The following COL23A1 variants were observed in gnomAD, a reference collection of about 807,000 sequenced individuals.
COL23A1 encodes collagen type XXIII alpha 1 chain.
In COL23A1, 97 loss-of-function variants were observed where a neutral mutation model predicts 99.3. The observed-to-expected ratio is 0.98, with a 90% CI of 0.83 to 1.16. The LOEUF (loss-of-function observed/expected upper bound fraction) is 1.16, where lower values mean the gene tolerates loss of function less well. Ranked by LOEUF, COL23A1 falls within the 50% of genes most tolerant of loss-of-function variation. The pLI, the probability that COL23A1 is intolerant of heterozygous loss-of-function variation, is 0.00. For missense variants in COL23A1, 762 were observed against 757.4 expected (o/e 1.01, Z -0.07); for synonymous variants, 320 against 308.2 (o/e 1.04, Z -0.40).
At chr5:178,568,441 C>A (rs78379260) in intron 1 of COL23A1, among the ~76,000 whole-genome samples, 4,468 of 151,864 alleles carry the variant, frequency 0.029, 86 homozygotes, top group Middle Eastern at 0.13. Context: ...ATTTTTTTAA[C>A]TGAGGTGAAA....
intron 2 of COL23A1, among the ~76,000 whole-genome samples, chr5:178,418,080 T>C (rs984165731): frequency 6.6e-6 from 1 of 152,254 alleles, no homozygotes; most frequent in Admixed American, 6.5e-5. Context: ...TTGGCACTCA[T>C]GTGCCCTGAT....
intron 2 of COL23A1, among the ~76,000 whole-genome samples, chr5:178,487,891 A>C (rs1757721033): frequency 6.6e-6 from 1 of 152,186 alleles, no homozygotes; most frequent in Non-Finnish European, 1.5e-5. Flanking sequence ...GCTTTCTCTA[A>C]TTTGGTGTCC....
chr5:178,526,312 GGCCAAGCAAA>G (rs1480207200), intron 2 of COL23A1, among the ~76,000 whole-genome samples: 1 of 152,166 alleles, frequency 6.6e-6, no homozygotes, highest in East Asian at 1.9e-4. Context: ...TGACCTGGGG[GGCCAAGCAAA>G]GCCCCACACC....
chr5:178,245,962 G>A lies in COL23A1; in HGVS notation c.1420C>T (p.Pro474Ser), dbSNP rs200807238. ...CTTACATCTAGTCCTGGCTCCCCGG[G>A]TCTGCCCTGAGGAGAGACACAGAGT... ...LPGTKGEKGRPGEPGLDGFPG... is the reference protein window; with the variant it reads ...LPGTKGEKGRSGEPGLDGFPG... Residue 474 changes from proline (P) to serine (S), a missense_variant, in exon 25 of 29, where the codon CCC (proline) becomes TCC (serine). Physicochemically the swap from Pro to Ser is moderately conservative, Grantham distance 74. Transcript: ENST00000390654. 2.5e-6 allele frequency: 4 copies of A among 1,614,170 alleles called. No individual in the cohort carries two copies. The highest frequency in any genetic ancestry group is 1.3e-5 in the African/African-American group (1 of 75,066).
rs556738030 is a variant in COL23A1 at position 178,365,934 on chromosome 5, C to A, written c.362-59015G>T. On this transcript the variant is annotated intron_variant, in intron 2 of 28. Coordinates refer to ENST00000390654, the MANE Select transcript of COL23A1 (RefSeq NM_173465.4). This position sits in a 1 kb window ranked among gnomAD's most constrained non-coding sequence, Gnocchi z 5.2. ...CAGGAAGGGGGGATGGTCAAGCGCA[C>A]CACAGGCTTGGAAGCAGACACGCCC... is the stretch of plus-strand genomic sequence containing the variant. Among the ~76,000 whole-genome samples, 76 of 152,166 alleles carry A rather than the reference C, an allele frequency of 5.0e-4. No homozygotes were observed. Among genetic ancestry groups the A allele is most frequent in the Non-Finnish European group, 6.9e-4 (47 of 67,968 alleles).
intron 2 of COL23A1, among the ~76,000 whole-genome samples, chr5:178,492,630 C>T (rs149946282): frequency 6.6e-6 from 1 of 151,568 alleles, no homozygotes; most frequent in Non-Finnish European, 1.5e-5. Flanking sequence ...AAATGCACCT[C>T]GAGGATGTTA....
chr5:178,310,853 T>C lies in COL23A1; in HGVS notation c.362-3934A>G, dbSNP rs1376662816. Among the ~76,000 whole-genome samples the C allele has an allele frequency of 6.6e-6, 1 of 151,966 alleles. No individual in the cohort carries two copies. Among genetic ancestry groups the C allele is most frequent in the African/African-American group, 2.4e-5 (1 of 41,336 alleles). ...GTTTTTGCTTGTTTCTTGTTTTTCT[T>C]CTTTCTACAAGCAGAAGAACCTTTC... On this transcript the variant is annotated intron_variant, in intron 2 of 28. Coordinates refer to ENST00000390654, the MANE Select transcript of COL23A1 (RefSeq NM_173465.4). This position sits in a 1 kb window ranked among gnomAD's most constrained non-coding sequence, Gnocchi z 4.3.
Position 178,280,531 on chromosome 5 carries a change from T to C in COL23A1, c.441+7793A>G, listed in dbSNP as rs1756841061. Among the ~76,000 whole-genome samples, 1 of 152,118 alleles carries C rather than the reference T, an allele frequency of 6.6e-6. No homozygotes were observed. Among genetic ancestry groups the C allele is most frequent in the South Asian group, 2.1e-4 (1 of 4,824 alleles). Reference sequence around the variant, plus strand: ...GCCCTGGGTCCTGGTCGGGGGCAGCTTCATACCAAAATCACTGCTTTCTCT... The same window carrying C: ...GCCCTGGGTCCTGGTCGGGGGCAGCCTCATACCAAAATCACTGCTTTCTCT... On this transcript the variant is annotated intron_variant, in intron 5 of 28. Coordinates refer to ENST00000390654, the MANE Select transcript of COL23A1 (RefSeq NM_173465.4). This position sits in a 1 kb window ranked among gnomAD's most constrained non-coding sequence, Gnocchi z 4.9.
At chr5:178,491,022 G>C (rs867003499) in intron 2 of COL23A1, among the ~76,000 whole-genome samples, 1 of 151,824 alleles carries the variant, frequency 6.6e-6, no homozygotes, top group African/African-American at 2.4e-5. Flanking sequence ...GACAGCGAGA[G>C]ACAAAGAAAG....
Position 178,314,759 on chromosome 5 carries a change from T to C in COL23A1, c.362-7840A>G, listed in dbSNP as rs114077855. Among the ~76,000 whole-genome samples, 982 of 152,308 alleles carry C rather than the reference T, an allele frequency of 6.4e-3. 8 individuals are homozygous for C. The highest frequency in any genetic ancestry group is 0.022 in the African/African-American group (927 of 41,560). Reference sequence around the variant, plus strand: ...ACCTCAAACCCATGAGGAAGGCTGTTACTGTTATCTCCATTTTATAGATGA... The same window carrying C: ...ACCTCAAACCCATGAGGAAGGCTGTCACTGTTATCTCCATTTTATAGATGA... On this transcript the variant is annotated intron_variant, in intron 2 of 28. Coordinates refer to ENST00000390654, the MANE Select transcript of COL23A1 (RefSeq NM_173465.4).
chr5:178,517,437 G>A (rs1019724224), intron 2 of COL23A1, among the ~76,000 whole-genome samples: 3 of 152,030 alleles, frequency 2.0e-5, no homozygotes, highest in African/African-American at 7.3e-5. Flanking sequence ...GCTAGGCAGT[G>A]TGCAGGAAGG....
At chr5:178,284,381 C>G (rs1430087078) in intron 5 of COL23A1, among the ~76,000 whole-genome samples, 1 of 152,096 alleles carries the variant, frequency 6.6e-6, no homozygotes, top group Non-Finnish European at 1.5e-5. Context: ...TATTTTAAAA[C>G]TTATATTGGC....
chr5:178,290,465 T>TCA, intron 3 of COL23A1, 96 bp from the exon 4 acceptor site: 2 of 1,506,972 alleles, frequency 1.3e-6, no homozygotes, highest in African/African-American at 2.9e-5. Context: ...TCAGCACGGC[T>TCA]CCTGGCCACC....
At chr5:178,288,857 G>A (rs1189184418) in intron 4 of COL23A1, among the ~76,000 whole-genome samples, 1 of 152,170 alleles carries the variant, frequency 6.6e-6, no homozygotes. Context: ...CTGGAGCAGT[G>A]ACCACCCTGC....
At chr5:178,325,634 G>A (rs771722265) in intron 2 of COL23A1, among the ~76,000 whole-genome samples, 8 of 152,188 alleles carry the variant, frequency 5.3e-5, no homozygotes, top group Non-Finnish European at 1.2e-4. Context: ...GGATGGAGCC[G>A]TCTGCCCATC....
intron 2 of COL23A1, among the ~76,000 whole-genome samples, chr5:178,429,443 G>A (rs1645043692): frequency 6.6e-6 from 1 of 152,218 alleles, no homozygotes; most frequent in African/African-American, 2.4e-5. Flanking sequence ...CGAAAGTTAA[G>A]CTCAGAAACT....
chr5:178,588,882 C>T (rs891091367), intron 1 of COL23A1, among the ~76,000 whole-genome samples: 2 of 152,196 alleles, frequency 1.3e-5, no homozygotes, highest in Non-Finnish European at 2.9e-5. Context: ...TGAAACCCTG[C>T]CTGTTTTCAC....
chr5:178,297,173 T>C (rs1757790749), intron 3 of COL23A1, among the ~76,000 whole-genome samples: 1 of 152,252 alleles, frequency 6.6e-6, no homozygotes, highest in South Asian at 2.1e-4. Context: ...CGGCATGGCA[T>C]GGCTCCACTG....
At chr5:178,580,042 A>G (rs565650332) in intron 1 of COL23A1, among the ~76,000 whole-genome samples, 13 of 152,130 alleles carry the variant, frequency 8.5e-5, no homozygotes, top group Non-Finnish European at 1.9e-4. Flanking sequence ...ACTAGAGGAC[A>G]TGAGGCCGGG....
Sources: gnomAD v4.1 joint callset for allele counts (sites outside exome capture counted in the v4.1 genomes callset) on GRCh38, gnomAD v4.1.1 for gene constraint, Gnocchi (gnomAD v3.1) non-coding constraint, MANE v1.5 for transcripts, NCBI Gene and HGNC (gene_info 2026-07-23, HGNC 2026-07-21) for gene names.